The following GPR149 variants were observed in gnomAD, a reference collection of about 807,000 sequenced individuals.
GPR149 encodes the protein G protein-coupled receptor 149.
Under a neutral mutation model 50.2 loss-of-function variants are expected in GPR149, and 50 were observed. That is an observed-to-expected ratio of 1.00 (90% CI 0.79 to 1.26). GPR149 has a LOEUF of 1.26. GPR149 is among the 50% of genes most tolerant of loss of function. The probability of loss-of-function intolerance (pLI) is 0.00; values close to 1 mark genes in which losing one functional copy is unlikely to be tolerated. For missense variants in GPR149, 983 were observed against 895.4 expected (o/e 1.10, Z -1.25); for synonymous variants, 405 against 358.2 (o/e 1.13, Z -1.48).
intron 3 of GPR149, among the ~76,000 whole-genome samples, chr3:154,361,139 T>C (rs1343222372): frequency 2.0e-5 from 3 of 152,182 alleles, no homozygotes; most frequent in Non-Finnish European, 4.4e-5. Flanking sequence ...CTTTTTAAAA[T>C]ACATTATTAC....
At chr3:154,340,185 G>A (rs1713758716) in intron 3 of GPR149, among the ~76,000 whole-genome samples, 1 of 152,156 alleles carries the variant, frequency 6.6e-6, no homozygotes, top group Non-Finnish European at 1.5e-5. Context: ...TCTCTGTGGA[G>A]TGGTCTTGAA....
At chr3:154,426,572 A>G (rs1210370921) in intron 2 of GPR149, among the ~76,000 whole-genome samples, 1 of 152,244 alleles carries the variant, frequency 6.6e-6, no homozygotes, top group African/African-American at 2.4e-5. Flanking sequence ...GTGATAGAAC[A>G]TCCTATATTT....
chr3:154,402,599 GA>G (rs920876649), intron 3 of GPR149, among the ~76,000 whole-genome samples: 6 of 150,508 alleles, frequency 4.0e-5, no homozygotes, highest in African/African-American at 1.2e-4. Context: ...TGAAAGCCAA[GA>G]AAAAAAAAGC....
intron 3 of GPR149, among the ~76,000 whole-genome samples, chr3:154,398,489 T>A (rs1054192579): frequency 6.6e-6 from 1 of 152,204 alleles, no homozygotes; most frequent in Non-Finnish European, 1.5e-5. Context: ...ATAAAATAGA[T>A]CATTCAGAAT....
intron 3 of GPR149, among the ~76,000 whole-genome samples, chr3:154,414,548 C>G (rs1037990931): frequency 6.6e-6 from 1 of 151,838 alleles, no homozygotes; most frequent in Non-Finnish European, 1.5e-5. Flanking sequence ...TGTCTCTCCA[C>G]AAGACACTTA....
chr3:154,367,342 C>CG (rs939085223), intron 3 of GPR149, among the ~76,000 whole-genome samples: 1 of 40,894 alleles, frequency 2.4e-5, no homozygotes, highest in Non-Finnish European at 5.2e-5. Context: ...CCCTTCCCCC[C>CG]CCCGAAACTA....
chr3:154,407,613 G>A (rs1281766502), intron 3 of GPR149, among the ~76,000 whole-genome samples: 1 of 151,166 alleles, frequency 6.6e-6, no homozygotes, highest in Admixed American at 6.6e-5. Flanking sequence ...TTATTAATAT[G>A]GGGTGATTAA....
chr3:154,363,091 G>A (rs1714452727), intron 3 of GPR149, among the ~76,000 whole-genome samples: 1 of 152,174 alleles, frequency 6.6e-6, no homozygotes. Context: ...AGAAACTGAA[G>A]CAAATAGTTC....
At chr3:154,388,111 T>C (rs1253120214) in intron 3 of GPR149, among the ~76,000 whole-genome samples, 1 of 152,196 alleles carries the variant, frequency 6.6e-6, no homozygotes, top group Non-Finnish European at 1.5e-5. Flanking sequence ...TAAAATACTT[T>C]TAAAAACACT....
At chr3:154,393,095 G>T (rs999648549) in intron 3 of GPR149, among the ~76,000 whole-genome samples, 4 of 151,888 alleles carry the variant, frequency 2.6e-5, no homozygotes, top group African/African-American at 9.7e-5. Context: ...GGCCAGTGTT[G>T]CCTGATACCA....
At chr3:154,382,713 C>A (rs781202710) in intron 3 of GPR149, among the ~76,000 whole-genome samples, 5 of 152,048 alleles carry the variant, frequency 3.3e-5, no homozygotes, top group Non-Finnish European at 7.4e-5. Context: ...TGAGAATATT[C>A]ATATTTCATA....
intron 3 of GPR149, among the ~76,000 whole-genome samples, chr3:154,382,383 G>A (rs943630929): frequency 6.6e-6 from 1 of 152,174 alleles, no homozygotes; most frequent in Non-Finnish European, 1.5e-5. Context: ...CAAGGTGGAT[G>A]GTGTGGGGAA....
intron 3 of GPR149, among the ~76,000 whole-genome samples, chr3:154,411,718 AC>A: frequency 6.6e-6 from 1 of 152,242 alleles, no homozygotes; most frequent in South Asian, 2.1e-4. Context: ...AAATTTGCCA[AC>A]CAAAAAAAGT....
chr3:154,424,487 G>T (rs958625660), intron 2 of GPR149, among the ~76,000 whole-genome samples: 2 of 151,788 alleles, frequency 1.3e-5, no homozygotes, highest in Admixed American at 1.3e-4. Flanking sequence ...GGAAGGCCTT[G>T]ACAGTGCTAC....
Position 154,357,907 on chromosome 3 carries a change from T to C in GPR149, c.1624-19636A>G, listed in dbSNP as rs142945890. 5.7e-3 allele frequency among the ~76,000 whole-genome samples: 864 copies of C among 152,292 alleles called. 7 individuals are homozygous for C. The highest frequency in any genetic ancestry group is 0.02 in the African/African-American group (839 of 41,550). ...ATCCAACCCAAATGTTCAACAGTGA[T>C]AGACTGGATTAAGAAAATGTGGCAC... On this transcript the variant is annotated intron_variant, in intron 3 of 3. Coordinates refer to ENST00000389740, the MANE Select transcript of GPR149 (RefSeq NM_001038705.3).
chr3:154,353,515 G>T, intron 3 of GPR149: 1 of 896,656 alleles, frequency 1.1e-6, no homozygotes, highest in Non-Finnish European at 1.9e-6. Flanking sequence ...CCACTCTGCA[G>T]ATGATCTTTG....
chr3:154,343,901 C>G (rs566169665), intron 3 of GPR149, among the ~76,000 whole-genome samples: 127 of 152,078 alleles, frequency 8.4e-4, no homozygotes, highest in African/African-American at 2.8e-3. Flanking sequence ...ATCACTTGAG[C>G]CCGGGAGATA....
chr3:154,423,651 G>T (rs552371803), intron 2 of GPR149, among the ~76,000 whole-genome samples: 5 of 151,860 alleles, frequency 3.3e-5, no homozygotes, highest in East Asian at 3.9e-4. Flanking sequence ...TTGTAAGGGG[G>T]CGAATCCCTA....
chr3:154,406,398 A>T (rs1711686098), intron 3 of GPR149, among the ~76,000 whole-genome samples: 2 of 152,158 alleles, frequency 1.3e-5, no homozygotes, highest in Non-Finnish European at 2.9e-5. Context: ...TGACCGAGAA[A>T]CTCTAATTCT....
Sources: allele counts gnomAD v4.1 joint callset (sites outside exome capture counted in the v4.1 genomes callset), GRCh38; gene constraint gnomAD v4.1.1; transcripts MANE v1.5; gene names NCBI Gene and HGNC (gene_info 2026-07-23, HGNC 2026-07-21).